CPHXL: variants seen among roughly 807,000 people sequenced by gnomAD.
CPHXL encodes the protein cytoplasmic polyadenylated homeobox-like protein.
intron 1 of CPHXL, among the ~76,000 whole-genome samples, chr16:75,720,398 A>G (rs1959459889): frequency 6.6e-6 from 1 of 152,224 alleles, no homozygotes; most frequent in South Asian, 2.1e-4. Context: ...CAAAGCAGGG[A>G]AGTCGTTAAA....
chr16:75,726,081 A>G (rs1959555222), intron 1 of CPHXL, among the ~76,000 whole-genome samples: 2 of 151,004 alleles, frequency 1.3e-5, no homozygotes, highest in Admixed American at 6.7e-5. Context: ...ATTGAGGTTA[A>G]GAAAGATACA....
intron 1 of CPHXL, among the ~76,000 whole-genome samples, chr16:75,724,211 T>A (rs910911079): frequency 1.3e-5 from 2 of 152,180 alleles, no homozygotes; most frequent in African/African-American, 4.8e-5. Context: ...GACATAGGCA[T>A]GGGCAAGGAC....
intron 1 of CPHXL, among the ~76,000 whole-genome samples, chr16:75,725,592 A>G (rs1456417176): frequency 6.6e-6 from 1 of 151,452 alleles, no homozygotes; most frequent in Non-Finnish European, 1.5e-5. Flanking sequence ...AGCTGGGACT[A>G]CAGGCGCCCG....
At chr16:75,717,678 C>G (rs1170335219) in intron 2 of CPHXL, among the ~76,000 whole-genome samples, 1 of 152,222 alleles carries the variant, frequency 6.6e-6, no homozygotes, top group Admixed American at 6.5e-5. Context: ...TTCTGTCACA[C>G]AGGCTGGAAT....
At chr16:75,717,813 A>C (rs964367050) in intron 2 of CPHXL, among the ~76,000 whole-genome samples, 1 of 152,132 alleles carries the variant, frequency 6.6e-6, no homozygotes, top group Non-Finnish European at 1.5e-5. Flanking sequence ...GTGGAGATGG[A>C]GGATTAACTG....
At chr16:75,725,135 G>C (rs1161925430) in intron 1 of CPHXL, among the ~76,000 whole-genome samples, 2 of 145,942 alleles carry the variant, frequency 1.4e-5, no homozygotes, top group Non-Finnish European at 3.0e-5. Flanking sequence ...TGGGGTCGGG[G>C]GAGGGGGGAG....
In CPHXL at chr16:75,726,470, G is replaced by T; in HGVS notation, c.-28C>A. The T allele has an allele frequency of 5.0e-6, 2 of 398,602 alleles. No homozygotes were observed. Among genetic ancestry groups the T allele is most frequent in the South Asian group, 1.3e-4 (1 of 7,854 alleles). The allele number at this position is 398,602 out of a possible 1,614,324, so 24.7% of individuals were successfully genotyped here. A position where few individuals can be genotyped will look rare whatever the true frequency, so the allele number is the denominator to read the frequency against. On this transcript the variant is annotated 5_prime_UTR_variant, in exon 1 of 3. Transcript: ENST00000640559. ...TGGGGTAGAAGACCTGGACTTCACG[G>T]AGACCAGCAAGCAACTGAGATCAGC... is the stretch of plus-strand genomic sequence containing the variant.
At chr16:75,716,771 G>A (rs918489810) in intron 2 of CPHXL, among the ~76,000 whole-genome samples, 1 of 152,138 alleles carries the variant, frequency 6.6e-6, no homozygotes, top group African/African-American at 2.4e-5. Context: ...AATCCTGCCT[G>A]GATCTTTCCA....
rs117336255 is a variant in CPHXL at position 75,718,149 on chromosome 16, T to C, written c.219+116A>G. 2.4e-3 allele frequency: 940 copies of C among 392,082 alleles called. 15 individuals are homozygous for C. The East Asian group carries it at 0.032, about 13-fold the overall frequency. 24.3% of individuals were successfully genotyped at this position (392,082 alleles called of 1,614,324 possible). On this transcript the variant is annotated intron_variant, in intron 2 of 2. Coordinates refer to ENST00000640559, the MANE Select transcript of CPHXL (RefSeq NM_001355613.1). ...GGGGGAATCACCTGAGCCTGGAAAA[T>C]GGAGGCTGCAGTGAGCCGTGATCAT...
At chr16:75,716,067 A>G (rs951990719) in intron 2 of CPHXL, among the ~76,000 whole-genome samples, 5 of 152,098 alleles carry the variant, frequency 3.3e-5, no homozygotes, top group Admixed American at 2.0e-4. Context: ...TAAAGAGTGC[A>G]ATTGTTTGAA....
Position 75,719,589 on chromosome 16 carries a change from T to TA in CPHXL, c.26-1132dup, listed in dbSNP as rs572709021. ...CTGTCATTACCCAGGCTTGCTTAGG[T>TA]AAAAAAAGCTGCCAGGAAGCTCAAA... On this transcript the variant is annotated intron_variant, in intron 1 of 2. Coordinates refer to ENST00000640559, the MANE Select transcript of CPHXL (RefSeq NM_001355613.1). 5.9e-4 allele frequency among the ~76,000 whole-genome samples: 89 copies of TA among 151,814 alleles called. No individual in the cohort carries two copies. In the South Asian group the frequency reaches 8.3e-3, roughly 14 times the overall value.
chr16:75,716,047 G>A (rs1473027438), intron 2 of CPHXL, among the ~76,000 whole-genome samples: 5 of 151,972 alleles, frequency 3.3e-5, no homozygotes, highest in Admixed American at 1.3e-4. Context: ...ATTGGTTCAC[G>A]GGTTACAACT....
chr16:75,722,017 C>T (rs1172412769), intron 1 of CPHXL, among the ~76,000 whole-genome samples: 3 of 152,108 alleles, frequency 2.0e-5, no homozygotes, highest in Non-Finnish European at 2.9e-5. Flanking sequence ...GGGTACAAAA[C>T]GAAATGAAGG....
chr16:75,714,677 G>C lies in CPHXL; in HGVS notation c.765C>G (p.Pro255=), dbSNP rs1310970841. Residue 255 remains proline, a synonymous_variant, in exon 3 of 3, where the codon CCC becomes CCG. Transcript: ENST00000640559. ...SYNSAECLHP[P]PSSVPYFHGE... is the part of the protein sequence containing the mutation. ...CATGAAAATATGGCACAGAAGATGGGGGAGGATGAAGGCATTCTGCAGAGT... is the reference window on the plus strand; with the variant it reads ...CATGAAAATATGGCACAGAAGATGGCGGAGGATGAAGGCATTCTGCAGAGT... 1 of 398,538 alleles carries C rather than the reference G, an allele frequency of 2.5e-6. No individual in the cohort carries two copies. The highest frequency in any genetic ancestry group is 2.1e-5 in the African/African-American group (1 of 48,644). The allele number at this position is 398,538 out of a possible 1,614,324, so 24.7% of individuals were successfully genotyped here. A position where few individuals can be genotyped will look rare whatever the true frequency, so the allele number is the denominator to read the frequency against.
chr16:75,718,973 C>T (rs546398780), intron 1 of CPHXL, among the ~76,000 whole-genome samples: 31 of 152,296 alleles, frequency 2.0e-4, no homozygotes, highest in South Asian at 1.0e-3. Flanking sequence ...TGAAAGTGAG[C>T]GAACAGAGGC....
At chr16:75,715,783 G>A (rs1191183004) in intron 2 of CPHXL, among the ~76,000 whole-genome samples, 1 of 151,252 alleles carries the variant, frequency 6.6e-6, no homozygotes, top group African/African-American at 2.4e-5. Flanking sequence ...TGCAACCTCC[G>A]CCTCCTGGAT....
rs112075619 is a variant in CPHXL, at chr16:75,722,563, C to T, written c.25+3855G>A. On this transcript the variant is annotated intron_variant, in intron 1 of 2. Transcript: ENST00000640559. Reference sequence around the variant, plus strand: ...CTCCCAAGACTAAACCAGGAAGAAGCTGAATCTCTGAATAGACCAATAACA... The same window carrying T: ...CTCCCAAGACTAAACCAGGAAGAAGTTGAATCTCTGAATAGACCAATAACA... Among the ~76,000 whole-genome samples, 316 of 152,228 alleles carry T rather than the reference C, an allele frequency of 2.1e-3. 1 individual carries two copies. Among genetic ancestry groups the T allele is most frequent in the Non-Finnish European group, 3.8e-3 (255 of 67,998 alleles).
At chr16:75,725,475 C>T (rs1365870607) in intron 1 of CPHXL, among the ~76,000 whole-genome samples, 5 of 145,388 alleles carry the variant, frequency 3.4e-5, no homozygotes, top group South Asian at 2.2e-4. Context: ...TTTTTTGAGA[C>T]GGACTCTCGC....
chr16:75,717,629 T>C (rs1228229386), intron 2 of CPHXL, among the ~76,000 whole-genome samples: 8 of 152,178 alleles, frequency 5.3e-5, no homozygotes, highest in Non-Finnish European at 8.8e-5. Flanking sequence ...CCCCCACACC[T>C]GCAACCTCCT....
Sources: gnomAD v4.1 joint callset for allele counts (sites outside exome capture counted in the v4.1 genomes callset) on GRCh38, gnomAD v4.1.1 for gene constraint, MANE v1.5 for transcripts, NCBI Gene and HGNC (gene_info 2026-07-23, HGNC 2026-07-21) for gene names.